MDGA2: variants seen among roughly 807,000 people sequenced by gnomAD.
MDGA2 encodes the protein MAM domain containing glycosylphosphatidylinositol anchor 2, also known as MAM domain-containing glycosylphosphatidylinositol anchor protein 2.
A neutral mutation model predicts 117.8 loss-of-function variants in MDGA2; 40 were observed. The ratio of observed to expected loss-of-function variants is 0.34; its 90% confidence interval spans 0.26 to 0.44. The LOEUF is 0.44. Among genes scored for constraint, MDGA2 ranks in the 20% least tolerant of loss-of-function variants. The probability of loss-of-function intolerance (pLI) is 1.00; values close to 1 mark genes in which losing one functional copy is unlikely to be tolerated. For synonymous variants in MDGA2, 452 were observed against 439.0 expected (o/e 1.03, Z -0.37); for missense variants, 1,123 against 1,250.6 (o/e 0.90, Z 1.54).
At chr14:47,052,588 A>G (rs1260609933) in intron 7 of MDGA2, among the ~76,000 whole-genome samples, 1 of 151,882 alleles carries the variant, frequency 6.6e-6, no homozygotes, top group Non-Finnish European at 1.5e-5. Flanking sequence ...ATAATAGAAT[A>G]CTCTCCATTT....
intron 3 of MDGA2, among the ~76,000 whole-genome samples, chr14:47,175,298 A>C (rs1309317294): frequency 1.3e-5 from 2 of 151,938 alleles, no homozygotes; most frequent in African/African-American, 2.4e-5. Flanking sequence ...AACTCATTTT[A>C]TGAGGCCAGC....
intron 1 of MDGA2, among the ~76,000 whole-genome samples, chr14:47,459,328 G>T (rs1311200242): frequency 5.9e-5 from 9 of 152,084 alleles, no homozygotes; most frequent in Non-Finnish European, 1.5e-5. Context: ...GCATCCCCAA[G>T]AATTTAGGAG....
At chr14:47,665,739 T>C (rs887747609) in intron 1 of MDGA2, among the ~76,000 whole-genome samples, 1 of 132,758 alleles carries the variant, frequency 7.5e-6, no homozygotes, top group African/African-American at 2.5e-5. Context: ...TGCACTTGAT[T>C]TCTTGTCCAG....
At chr14:46,929,620 TATATATATATATATATATATATATATACA>T (rs1566530249) in intron 9 of MDGA2, among the ~76,000 whole-genome samples, 3 of 26,686 alleles carry the variant, frequency 1.1e-4, no homozygotes, top group East Asian at 7.1e-4. Context: ...TATATATATA[TATATATATATATATATATATATATATACA>T]TTTTTTTTTT....
At chr14:47,112,083 A>G (rs1881068613) in intron 5 of MDGA2, among the ~76,000 whole-genome samples, 1 of 152,070 alleles carries the variant, frequency 6.6e-6, no homozygotes, top group South Asian at 2.1e-4. Context: ...AAGGACTGAG[A>G]TGAGGAACCT....
intron 1 of MDGA2, among the ~76,000 whole-genome samples, chr14:47,552,169 C>T (rs1895594331): frequency 6.6e-6 from 1 of 152,110 alleles, no homozygotes; most frequent in Non-Finnish European, 1.5e-5. Context: ...CCAGGATTAG[C>T]CCTTGACCTT....
chr14:47,249,008 T>G (rs1010340152), intron 2 of MDGA2, among the ~76,000 whole-genome samples: 2 of 140,330 alleles, frequency 1.4e-5, no homozygotes, highest in East Asian at 2.4e-4. Context: ...TTCTTTCTTT[T>G]TTGTTGTTGT....
At chr14:47,435,093 G>A (rs1013598350) in intron 1 of MDGA2, among the ~76,000 whole-genome samples, 9 of 152,128 alleles carry the variant, frequency 5.9e-5, no homozygotes, top group South Asian at 2.1e-4. Flanking sequence ...CCGAGATCAC[G>A]CCACTGCACT....
At chr14:47,258,485 C>T (rs1165971974) in intron 2 of MDGA2, among the ~76,000 whole-genome samples, 1 of 151,982 alleles carries the variant, frequency 6.6e-6, no homozygotes, top group African/African-American at 2.4e-5. Flanking sequence ...GAAACTCGCC[C>T]CATGATCAAA....
chr14:47,011,646 T>C (rs1594524575), intron 8 of MDGA2, among the ~76,000 whole-genome samples: 1 of 152,098 alleles, frequency 6.6e-6, no homozygotes, highest in East Asian at 1.9e-4. Context: ...TAATGACATG[T>C]TGACAAAAAA....
At chr14:46,983,904 T>C (rs984238503) in intron 8 of MDGA2, among the ~76,000 whole-genome samples, 1 of 151,934 alleles carries the variant, frequency 6.6e-6, no homozygotes, top group Non-Finnish European at 1.5e-5. Flanking sequence ...TTTAAGTGCA[T>C]AGAATTAATA....
intron 1 of MDGA2, among the ~76,000 whole-genome samples, chr14:47,592,880 G>T (rs1352780731): frequency 6.6e-6 from 1 of 152,130 alleles, no homozygotes; most frequent in East Asian, 1.9e-4. Context: ...AGTAAAAACT[G>T]GCAAATGATA....
chr14:47,590,161 C>T (rs578099103), intron 1 of MDGA2, among the ~76,000 whole-genome samples: 1 of 151,924 alleles, frequency 6.6e-6, no homozygotes, highest in East Asian at 1.9e-4. Context: ...TCTTCCTTTC[C>T]AATCTAGATA....
At chr14:47,255,012 C>A (rs1887570254) in intron 2 of MDGA2, among the ~76,000 whole-genome samples, 1 of 152,202 alleles carries the variant, frequency 6.6e-6, no homozygotes, top group Non-Finnish European at 1.5e-5. Flanking sequence ...AAACCTCCCC[C>A]ATGATTCAAT....
chr14:46,934,146 T>G (rs1595054212), intron 9 of MDGA2, among the ~76,000 whole-genome samples: 1 of 152,124 alleles, frequency 6.6e-6, no homozygotes, highest in South Asian at 2.1e-4. Flanking sequence ...TATTTTCATT[T>G]ATGTTATACT....
At chr14:47,437,003 GTCTCTC>G (rs1387590428) in intron 1 of MDGA2, among the ~76,000 whole-genome samples, 1 of 152,042 alleles carries the variant, frequency 6.6e-6, no homozygotes, top group Non-Finnish European at 1.5e-5. Context: ...TGGTTGATTT[GTCTCTC>G]TCTAACACCA....
intron 1 of MDGA2, among the ~76,000 whole-genome samples, chr14:47,548,139 G>A (rs868512105): frequency 2.0e-5 from 3 of 152,010 alleles, no homozygotes; most frequent in Admixed American, 6.6e-5. Flanking sequence ...TTTTACCTGC[G>A]TTCTTTATTA....
intron 2 of MDGA2, among the ~76,000 whole-genome samples, chr14:47,251,519 C>T (rs1887446005): frequency 6.6e-6 from 1 of 152,194 alleles, no homozygotes; most frequent in South Asian, 2.1e-4. Flanking sequence ...TAACTCATTA[C>T]CCCCGAAGTA....
intron 8 of MDGA2, among the ~76,000 whole-genome samples, chr14:46,988,597 C>T (rs577759354): frequency 9.9e-5 from 15 of 152,040 alleles, no homozygotes; most frequent in South Asian, 2.1e-4. Flanking sequence ...GAAGGACTCA[C>T]GGAAAACCAA....
Sources: gnomAD v4.1 joint callset for allele counts (sites outside exome capture counted in the v4.1 genomes callset) on GRCh38, gnomAD v4.1.1 for gene constraint, MANE v1.5 for transcripts, NCBI Gene and HGNC (gene_info 2026-07-23, HGNC 2026-07-21) for gene names.